GALNT17: variants seen among roughly 807,000 people sequenced by gnomAD.
The protein encoded by GALNT17 is polypeptide N-acetylgalactosaminyltransferase 17.
A neutral mutation model predicts 63.7 loss-of-function variants in GALNT17; 29 were observed. The observed-to-expected ratio is 0.46, with a 90% CI of 0.34 to 0.62. GALNT17 has a LOEUF of 0.62. GALNT17 is among the 20% of genes least tolerant of loss of function. The pLI, the probability that GALNT17 is intolerant of heterozygous loss-of-function variation, is 0.01. For missense variants in GALNT17, 603 were observed against 799.6 expected, an observed-to-expected ratio of 0.75 and a Z score of 2.97; for synonymous variants, 305 against 318.3, an observed-to-expected ratio of 0.96 and a Z score of 0.45.
At chr7:71,214,134 C>T (rs569315956) in intron 1 of GALNT17, among the ~76,000 whole-genome samples, 165 of 152,304 alleles carry the variant, frequency 1.1e-3, no homozygotes, top group African/African-American at 3.9e-3. Flanking sequence ...TGGTTTATCT[C>T]TTGGAATTGG....
intron 1 of GALNT17, among the ~76,000 whole-genome samples, chr7:71,176,688 C>T (rs914277613): frequency 1.3e-5 from 2 of 152,112 alleles, no homozygotes; most frequent in South Asian, 2.1e-4. Context: ...TTGCTAGCCT[C>T]CCTGGGTCCC....
intron 5 of GALNT17, among the ~76,000 whole-genome samples, chr7:71,561,950 T>A (rs1256942614): frequency 6.6e-6 from 1 of 151,732 alleles, no homozygotes; most frequent in Non-Finnish European, 1.5e-5. Flanking sequence ...CAGATTTTGT[T>A]TTGTTTTTTG....
chr7:71,456,469 C>T (rs193035337), intron 5 of GALNT17, among the ~76,000 whole-genome samples: 6 of 152,018 alleles, frequency 3.9e-5, no homozygotes, highest in Admixed American at 3.3e-4. Flanking sequence ...GAGGCCGAGG[C>T]GGGTGGGAGG....
chr7:71,509,926 CA>C (rs1162092836), intron 5 of GALNT17, among the ~76,000 whole-genome samples: 1 of 145,002 alleles, frequency 6.9e-6, no homozygotes. Flanking sequence ...ACATGACATG[CA>C]ATTCTCCATT....
At chr7:71,552,480 G>A (rs559536316) in intron 5 of GALNT17, among the ~76,000 whole-genome samples, 7 of 144,542 alleles carry the variant, frequency 4.8e-5, no homozygotes, top group Non-Finnish European at 9.1e-5. Flanking sequence ...TCACTCTGTT[G>A]CCCAGGCTGG....
At chr7:71,317,643 A>G (rs908999199) in intron 1 of GALNT17, among the ~76,000 whole-genome samples, 3 of 152,158 alleles carry the variant, frequency 2.0e-5, no homozygotes, top group African/African-American at 7.2e-5. Context: ...ACTGGCCACA[A>G]CGTGGAGGGC....
At chr7:71,424,041 C>T (rs1403239218) in intron 5 of GALNT17, among the ~76,000 whole-genome samples, 1 of 152,186 alleles carries the variant, frequency 6.6e-6, no homozygotes, top group African/African-American at 2.4e-5. Context: ...AGAAGGTAAT[C>T]TTTTGGGTCT....
At chr7:71,209,995 T>C (rs910977462) in intron 1 of GALNT17, among the ~76,000 whole-genome samples, 6 of 152,042 alleles carry the variant, frequency 3.9e-5, no homozygotes, top group African/African-American at 1.4e-4. Flanking sequence ...CAAACTGAGC[T>C]CACTGCAACC....
intron 5 of GALNT17, among the ~76,000 whole-genome samples, chr7:71,443,593 A>C (rs1583958123): frequency 6.6e-6 from 1 of 151,996 alleles, no homozygotes; most frequent in Non-Finnish European, 1.5e-5. Flanking sequence ...CCCATCCTCC[A>C]CCTTCTGCCA....
intron 1 of GALNT17, among the ~76,000 whole-genome samples, chr7:71,232,897 G>A (rs1789818891): frequency 6.6e-6 from 1 of 152,090 alleles, no homozygotes; most frequent in Admixed American, 6.6e-5. Context: ...CCGTAATTTA[G>A]CCAGTTACCA....
chr7:71,695,321 C>T (rs993016886), intron 9 of GALNT17, among the ~76,000 whole-genome samples: 1 of 152,092 alleles, frequency 6.6e-6, no homozygotes, highest in African/African-American at 2.4e-5. Context: ...AAGATGTATC[C>T]CCATTCATTC....
At chr7:71,613,581 A>G (rs939463471) in intron 6 of GALNT17, among the ~76,000 whole-genome samples, 2 of 152,102 alleles carry the variant, frequency 1.3e-5, no homozygotes, top group African/African-American at 4.8e-5. Flanking sequence ...TTTCCAGTTC[A>G]TTGCATTCTG....
At chr7:71,326,678 A>G (rs1303355884) in intron 1 of GALNT17, among the ~76,000 whole-genome samples, 1 of 152,212 alleles carries the variant, frequency 6.6e-6, no homozygotes, top group Non-Finnish European at 1.5e-5. Flanking sequence ...TACATTGTAT[A>G]TTCTAGTTGG....
At chr7:71,386,520 C>G (rs1792947529) in intron 2 of GALNT17, among the ~76,000 whole-genome samples, 1 of 152,082 alleles carries the variant, frequency 6.6e-6, no homozygotes, top group South Asian at 2.1e-4. Context: ...TGAAATTCCT[C>G]AGTGCTCCCT....
At position 71,701,536 on chromosome 7, in the gene GALNT17, G is replaced by A. The variant is rs1290934390; in HGVS notation, c.1501-9225G>A. On this transcript the variant is annotated intron_variant, in intron 9 of 10. Transcript: ENST00000333538. ...ACATTTAAGCAGAAACTTGAAAGAGGTGAGAGAGTGAGCCATTCAAACATC... is the reference window on the plus strand; with the variant it reads ...ACATTTAAGCAGAAACTTGAAAGAGATGAGAGAGTGAGCCATTCAAACATC... Among the ~76,000 whole-genome samples the A allele has an allele frequency of 3.3e-5, 5 of 151,448 alleles. No homozygotes were observed. In the Admixed American group the frequency reaches 3.3e-4, roughly 10 times the overall value.
chr7:71,597,724 G>A (rs950548109), intron 6 of GALNT17, among the ~76,000 whole-genome samples: 7 of 152,104 alleles, frequency 4.6e-5, no homozygotes, highest in African/African-American at 1.7e-4. Context: ...AGAACCAGGA[G>A]GCCAAAGAGC....
At position 71,201,244 on chromosome 7, in the gene GALNT17, T is replaced by TATATATATATATATATATATATAC. The variant is rs753976717; in HGVS notation, c.238+68217_238+68218insTATATATATACATATATATATATA. 2.6e-3 allele frequency among the ~76,000 whole-genome samples: 382 copies of TATATATATATATATATATATATAC among 146,744 alleles called. 13 individuals are homozygous for TATATATATATATATATATATATAC. In the East Asian group the frequency reaches 0.044, roughly 17 times the overall value. ...ATGGGGGTGTGTGTGTTTATTTTTA[T>TATATATATATATATATATATATAC]ATATATATATATAATTTGTGTGTGC... On this transcript the variant is annotated intron_variant, in intron 1 of 10. Coordinates refer to ENST00000333538, the MANE Select transcript of GALNT17 (RefSeq NM_022479.3).
intron 5 of GALNT17, among the ~76,000 whole-genome samples, chr7:71,489,727 C>T (rs1324719674): frequency 6.6e-6 from 1 of 152,224 alleles, no homozygotes; most frequent in Non-Finnish European, 1.5e-5. Context: ...AAACTGCAAC[C>T]GCCTGCAAAC....
chr7:71,358,202 A>G (rs1244779975), intron 2 of GALNT17, among the ~76,000 whole-genome samples: 1 of 152,172 alleles, frequency 6.6e-6, no homozygotes, highest in Non-Finnish European at 1.5e-5. Context: ...ACAGGCGGGA[A>G]CCAACTGCGG....
Sources: allele counts gnomAD v4.1 joint callset (sites outside exome capture counted in the v4.1 genomes callset), GRCh38; gene constraint gnomAD v4.1.1; transcripts MANE v1.5; gene names NCBI Gene and HGNC (gene_info 2026-07-23, HGNC 2026-07-21).